The following RHOBTB1 variants were observed in gnomAD, a reference collection of about 807,000 sequenced individuals.
RHOBTB1 encodes rho-related BTB domain-containing protein 1.
Under a neutral mutation model 71.6 loss-of-function variants are expected in RHOBTB1, and 40 were observed. The ratio of observed to expected loss-of-function variants is 0.56; its 90% confidence interval spans 0.43 to 0.73. The LOEUF is 0.73. Ranked by LOEUF, RHOBTB1 falls within the 30% of genes least tolerant of loss-of-function variation. The probability of loss-of-function intolerance (pLI) is 0.00; values close to 1 mark genes in which losing one functional copy is unlikely to be tolerated. For missense variants in RHOBTB1, 797 were observed against 894.0 expected (o/e 0.89, Z 1.38); for synonymous variants, 319 against 334.9 (o/e 0.95, Z 0.52).
chr10:60,943,553 C>CA (rs2085039184), intron 1 of RHOBTB1, among the ~76,000 whole-genome samples: 1 of 152,150 alleles, frequency 6.6e-6, no homozygotes. Context: ...GTGCAAGCGC[C>CA]AAAGGGGCTA....
chr10:60,964,642 A>T (rs1248604827), intron 2 of RHOBTB1, among the ~76,000 whole-genome samples: 1 of 152,080 alleles, frequency 6.6e-6, no homozygotes, highest in Admixed American at 6.6e-5. Context: ...ACTATGACTA[A>T]TGTGTTAGTC....
At chr10:60,872,164 G>C (rs1368944145) in intron 10 of RHOBTB1, 21 bp downstream of exon 10, 3 of 1,524,976 alleles carry the variant, frequency 2.0e-6, no homozygotes, top group Non-Finnish European at 2.7e-6. Flanking sequence ...CTGGATGAAT[G>C]GGGGCCTCAC....
At chr10:60,916,373 T>A (rs1472194683) in intron 2 of RHOBTB1, among the ~76,000 whole-genome samples, 2 of 152,192 alleles carry the variant, frequency 1.3e-5, no homozygotes, top group African/African-American at 2.4e-5. Flanking sequence ...GCTCAGCCAA[T>A]CCTACAGCTG....
chr10:60,886,623 C>T (rs1474725107), intron 6 of RHOBTB1, among the ~76,000 whole-genome samples: 1 of 151,188 alleles, frequency 6.6e-6, no homozygotes, highest in Non-Finnish European at 1.5e-5. Flanking sequence ...CACCATTTTA[C>T]TTATTAATAC....
chr10:60,871,678 A>C (rs1235054015), intron 10 of RHOBTB1, 27 bp from the exon 11 acceptor site: 1 of 1,606,190 alleles, frequency 6.2e-7, no homozygotes, highest in Admixed American at 1.7e-5. Context: ...GCAGACCATA[A>C]GACCTGCGGT....
At chr10:60,937,740 A>C (rs1231493733) in intron 2 of RHOBTB1, among the ~76,000 whole-genome samples, 1 of 152,248 alleles carries the variant, frequency 6.6e-6, no homozygotes, top group Non-Finnish European at 1.5e-5. Flanking sequence ...TTCAAGAAAA[A>C]AAGGTTCCTA....
chr10:60,874,830 CA>C, intron 9 of RHOBTB1, 123 bp downstream of exon 9: 1 of 709,736 alleles, frequency 1.4e-6, no homozygotes, highest in Non-Finnish European at 2.5e-6. Context: ...TTAGTGTACA[CA>C]GGGGGACTCT....
At chr10:60,921,919 C>G (rs1162526194) in intron 2 of RHOBTB1, among the ~76,000 whole-genome samples, 1 of 152,130 alleles carries the variant, frequency 6.6e-6, no homozygotes, top group Non-Finnish European at 1.5e-5. Flanking sequence ...ACCATGGGAG[C>G]CACCAGAGAC....
intron 2 of RHOBTB1, among the ~76,000 whole-genome samples, chr10:60,973,658 T>C (rs2086232320): frequency 6.6e-6 from 1 of 151,996 alleles, no homozygotes; most frequent in Non-Finnish European, 1.5e-5. Context: ...AGAAACCTGG[T>C]GGCCTGGGAT....
intron 1 of RHOBTB1, among the ~76,000 whole-genome samples, chr10:61,000,611 T>C (rs1214314461): frequency 6.6e-6 from 1 of 152,218 alleles, no homozygotes; most frequent in Non-Finnish European, 1.5e-5. Context: ...TCTCTTAAAA[T>C]ACATGCATGT....
chr10:60,890,195 A>C (rs950600647), intron 5 of RHOBTB1, among the ~76,000 whole-genome samples: 1 of 152,086 alleles, frequency 6.6e-6, no homozygotes, highest in Non-Finnish European at 1.5e-5. Flanking sequence ...GGATTTGTGA[A>C]TTCTCTTTCA....
At chr10:60,953,855 T>C (rs987138432) in intron 2 of RHOBTB1, among the ~76,000 whole-genome samples, 3 of 152,214 alleles carry the variant, frequency 2.0e-5, no homozygotes, top group African/African-American at 7.2e-5. Flanking sequence ...AAATTCACTT[T>C]CAGTTTATAC....
intron 2 of RHOBTB1, among the ~76,000 whole-genome samples, chr10:60,985,683 T>A (rs1454009647): frequency 6.6e-6 from 1 of 152,172 alleles, no homozygotes; most frequent in Non-Finnish European, 1.5e-5. Context: ...ATAATTGAAC[T>A]AAAAAACGAA....
chr10:60,997,328 CA>C (rs2087091820), intron 1 of RHOBTB1, among the ~76,000 whole-genome samples: 1 of 152,150 alleles, frequency 6.6e-6, no homozygotes, highest in Non-Finnish European at 1.5e-5. Context: ...AGATATTTGT[CA>C]AAATGCAGTT....
chr10:60,905,801 C>T (rs1236308264), intron 4 of RHOBTB1, among the ~76,000 whole-genome samples: 1 of 152,074 alleles, frequency 6.6e-6, no homozygotes, highest in Non-Finnish European at 1.5e-5. Context: ...ACATTAAGAG[C>T]TAACTCAAAA....
intron 2 of RHOBTB1, among the ~76,000 whole-genome samples, chr10:60,977,725 T>C (rs2086362188): frequency 6.6e-6 from 1 of 152,140 alleles, no homozygotes; most frequent in Non-Finnish European, 1.5e-5. Flanking sequence ...AAAGGGATGG[T>C]TGATTTAATA....
upstream of RHOBTB1, among the ~76,000 whole-genome samples, chr10:60,947,551 G>A (rs1388894690): frequency 2.6e-5 from 4 of 152,024 alleles, no homozygotes; most frequent in Admixed American, 2.0e-4. Flanking sequence ...TATATTAATC[G>A]GAACATAAGT....
chr10:60,980,693 AG>A (rs2086466921), intron 2 of RHOBTB1, among the ~76,000 whole-genome samples: 1 of 152,232 alleles, frequency 6.6e-6, no homozygotes, highest in South Asian at 2.1e-4. Flanking sequence ...TGGGGAATAA[AG>A]AAAAAGGAAA....
chr10:60,934,364 C>G (rs1222754225), intron 2 of RHOBTB1, among the ~76,000 whole-genome samples: 5 of 152,144 alleles, frequency 3.3e-5, no homozygotes, highest in Admixed American at 2.6e-4. Context: ...ATCAAAGGAA[C>G]TAATACCTCA....
Sources: gnomAD v4.1 joint callset for allele counts (sites outside exome capture counted in the v4.1 genomes callset) on GRCh38, gnomAD v4.1.1 for gene constraint, MANE v1.5 for transcripts, NCBI Gene and HGNC (gene_info 2026-07-23, HGNC 2026-07-21) for gene names.